DOCK10: variants seen among roughly 807,000 people sequenced by gnomAD.
The protein encoded by DOCK10 is dedicator of cytokinesis protein 10.
A neutral mutation model predicts 280.1 loss-of-function variants in DOCK10; 145 were observed. That is an observed-to-expected ratio of 0.52 (90% CI 0.45 to 0.59). The LOEUF (loss-of-function observed/expected upper bound fraction) is 0.59, where lower values mean the gene tolerates loss of function less well. DOCK10 is among the 20% of genes least tolerant of loss of function. The pLI is 0.00. For synonymous variants in DOCK10, 915 were observed against 942.2 expected (o/e 0.97, Z 0.53); for missense variants, 2,368 against 2,651.7 (o/e 0.89, Z 2.35).
chr2:225,024,415 T>C (rs2106108831), intron 1 of DOCK10, among the ~76,000 whole-genome samples: 1 of 152,348 alleles, frequency 6.6e-6, no homozygotes, highest in East Asian at 1.9e-4. Context: ...AAAGAAATAG[T>C]ATTCTTTGTA....
intron 50 of DOCK10, chr2:224,784,756 G>T (rs780009505): frequency 7.8e-7 from 1 of 1,289,746 alleles, no homozygotes; most frequent in South Asian, 1.2e-5. Context: ...GAACAATCAA[G>T]ACCAAAAGAA....
At chr2:225,008,923 T>G (rs1689353395) in intron 1 of DOCK10, among the ~76,000 whole-genome samples, 1 of 152,226 alleles carries the variant, frequency 6.6e-6, no homozygotes, top group African/African-American at 2.4e-5. Flanking sequence ...CCACCTCTCA[T>G]AAGCTGTGTC....
chr2:224,858,422 G>C (rs1252748969), intron 14 of DOCK10, among the ~76,000 whole-genome samples: 1 of 151,992 alleles, frequency 6.6e-6, no homozygotes, highest in Non-Finnish European at 1.5e-5. Context: ...ACTTTGGAAG[G>C]CTGAGGTGGG....
In DOCK10 at chr2:224,775,003, T is replaced by C; in HGVS notation, c.5915A>G (p.His1972Arg). Reference protein sequence around the residue: ...EDRKTDFEMHHNINRFVFETP... With the variant: ...EDRKTDFEMHRNINRFVFETP... ...CTCGAAGACAAAGCGGTTGATGTTG[T>C]GGTGCATTTCGAAATCTGTCTTCCG... The change falls in exon 52 of 56, where the codon CAC (histidine) becomes CGC (arginine). Residue 1972 changes from histidine to arginine, a missense_variant. Physicochemically the swap from His to Arg is conservative, Grantham distance 29. This residue lies in a region of DOCK10 where 1,159 missense variants were observed against 1,400.8 expected (regional missense o/e 0.83). Transcript: ENST00000258390. The C allele has an allele frequency of 6.2e-7, 1 of 1,613,800 alleles. No homozygotes were observed. The highest frequency in any genetic ancestry group is 8.5e-7 in the Non-Finnish European group (1 of 1,179,802).
At chr2:225,003,726 C>T (rs1706498587) in intron 1 of DOCK10, among the ~76,000 whole-genome samples, 1 of 152,250 alleles carries the variant, frequency 6.6e-6, no homozygotes, top group Middle Eastern at 3.4e-3. Flanking sequence ...AATGGCCATC[C>T]TATCTCTTAA....
intron 53 of DOCK10, among the ~76,000 whole-genome samples, chr2:224,772,245 T>C (rs1418585788): frequency 2.0e-5 from 3 of 152,208 alleles, no homozygotes; most frequent in Non-Finnish European, 4.4e-5. Context: ...GGGTCCAATA[T>C]AGCTGTGCAG....
intron 28 of DOCK10, among the ~76,000 whole-genome samples, chr2:224,822,070 C>T (rs1694543420): frequency 6.6e-6 from 1 of 152,102 alleles, no homozygotes; most frequent in Non-Finnish European, 1.5e-5. Context: ...CTTCTATAGG[C>T]TTTTAACTGT....
chr2:224,879,643 A>G (rs1185278583), intron 7 of DOCK10, among the ~76,000 whole-genome samples: 1 of 152,102 alleles, frequency 6.6e-6, no homozygotes, highest in East Asian at 1.9e-4. Context: ...CTGTATTCCC[A>G]GCTATTTGGG....
chr2:225,015,578 C>T (rs1379574904), intron 1 of DOCK10, among the ~76,000 whole-genome samples: 1 of 152,182 alleles, frequency 6.6e-6, no homozygotes, highest in African/African-American at 2.4e-5. Flanking sequence ...TAGGAAATAC[C>T]TGAAACCCAG....
chr2:224,890,369 A>G lies in DOCK10; in HGVS notation c.417-3838T>C, dbSNP rs886247174. Among the ~76,000 whole-genome samples, 8 of 152,248 alleles carry G rather than the reference A, an allele frequency of 5.3e-5. No individual in the cohort carries two copies. In the East Asian group the frequency reaches 1.2e-3, roughly 22 times the overall value. On this transcript the variant is annotated intron_variant, in intron 4 of 55. Coordinates refer to ENST00000258390, the MANE Select transcript of DOCK10 (RefSeq NM_014689.3). ...CGATGTAAAAACAAAAATGTGATGA[A>G]ACAAAGTAAGGTTCTCTTGAATTTC...
intron 37 of DOCK10, 79 bp from the exon 38 acceptor site, chr2:224,804,920 G>GA: frequency 7.9e-7 from 1 of 1,270,476 alleles, no homozygotes; most frequent in Non-Finnish European, 1.1e-6. Context: ...TATATTGAAA[G>GA]AAAAATATTA....
intron 1 of DOCK10, among the ~76,000 whole-genome samples, chr2:225,029,527 A>G (rs1170076937): frequency 2.0e-5 from 3 of 152,218 alleles, no homozygotes; most frequent in African/African-American, 7.2e-5. Flanking sequence ...ATGACTGTAC[A>G]ATCTCAAGAA....
Position 224,886,081 on chromosome 2 carries a change from G to C in DOCK10, c.594C>G (p.Asn198Lys). Reference sequence around the variant, plus strand: ...TCCTTACCCGAACAGTAACGGTGTTGTTCACGGTGCTGTTAAAATTCCCCT... The same window carrying C: ...TCCTTACCCGAACAGTAACGGTGTTCTTCACGGTGCTGTTAAAATTCCCCT... ...LYKGNFNSTV[N>K]NTVTVRSFKK... The change falls in exon 6 of 56, where the codon AAC (asparagine) becomes AAG (lysine). Residue 198 changes from asparagine (N) to lysine (K), a missense_variant. Coordinates refer to ENST00000258390, the MANE Select transcript of DOCK10 (RefSeq NM_014689.3). 1 of 1,613,834 alleles carries C rather than the reference G, an allele frequency of 6.2e-7. No individual in the cohort carries two copies. Among genetic ancestry groups the C allele is most frequent in the Non-Finnish European group, 8.5e-7 (1 of 1,179,852 alleles).
At chr2:224,920,236 CT>C (rs377415968) in intron 2 of DOCK10, among the ~76,000 whole-genome samples, 10,218 of 126,112 alleles carry the variant, frequency 0.081, 708 homozygotes, top group African/African-American at 0.25. Flanking sequence ...CTAATTTTCA[CT>C]TTTTTTTTTT....
At chr2:224,941,825 C>CA (rs1703101843) in intron 1 of DOCK10, among the ~76,000 whole-genome samples, 1 of 137,112 alleles carries the variant, frequency 7.3e-6, no homozygotes, top group African/African-American at 2.9e-5. Context: ...GCCTGGGCAA[C>CA]AGACTGAGCC....
At chr2:225,001,833 G>A (rs1706438633) in intron 1 of DOCK10, among the ~76,000 whole-genome samples, 1 of 152,280 alleles carries the variant, frequency 6.6e-6, no homozygotes, top group Non-Finnish European at 1.5e-5. Context: ...CATGGTAGGA[G>A]GAGCAAATGA....
At chr2:224,851,951 C>T (rs1348609612) in intron 18 of DOCK10, among the ~76,000 whole-genome samples, 3 of 152,148 alleles carry the variant, frequency 2.0e-5, no homozygotes, top group African/African-American at 7.2e-5. Context: ...GCCACGTGCA[C>T]CTTCCATAAT....
chr2:224,786,679 A>G lies in DOCK10; in HGVS notation c.5655+343T>C, dbSNP rs1401779729. Among the ~76,000 whole-genome samples the G allele has an allele frequency of 6.6e-6, 1 of 152,234 alleles. No homozygotes were observed. The highest frequency in any genetic ancestry group is 1.5e-5 in the Non-Finnish European group (1 of 68,048). The stretch of plus-strand genomic sequence containing the variant: ...TTAGGAATGTTATTTCTTAAAACAT[A>G]TTCAATTTAATTTCACTTTAATATA... On this transcript the variant is annotated intron_variant, in intron 50 of 55. Transcript: ENST00000258390. This position sits in a 1 kb window ranked among gnomAD's most constrained non-coding sequence, Gnocchi z 4.7.
chr2:224,808,131 A>G, intron 31 of DOCK10, 45 bp from the exon 32 acceptor site: 2 of 1,543,032 alleles, frequency 1.3e-6, no homozygotes, highest in Non-Finnish European at 1.8e-6. Context: ...AAATCAAATG[A>G]TCACTTTATA....
Sources: gnomAD v4.1 joint callset for allele counts (sites outside exome capture counted in the v4.1 genomes callset) on GRCh38, gnomAD v4.1.1 for gene constraint, gnomAD v4.1.1 regional missense constraint, Gnocchi (gnomAD v3.1) non-coding constraint, MANE v1.5 for transcripts, NCBI Gene and HGNC (gene_info 2026-07-23, HGNC 2026-07-21) for gene names.